The following FBXL17 variants were observed in gnomAD, a reference collection of about 807,000 sequenced individuals.
The protein encoded by FBXL17 is F-box/LRR-repeat protein 17.
In FBXL17, 22 loss-of-function variants were observed where a neutral mutation model predicts 66.2. The ratio of observed to expected loss-of-function variants is 0.33; its 90% CI spans 0.24 to 0.47. The LOEUF is 0.47. Among genes scored for constraint, FBXL17 ranks in the 20% least tolerant of loss-of-function variants. FBXL17 has a pLI of 1.00. For synonymous variants in FBXL17, 474 were observed against 400.5 expected (o/e 1.18, Z -2.19); for missense variants, 878 against 948.2 (o/e 0.93, Z 0.97).
chr5:108,260,157 C>T (rs909057269), intron 4 of FBXL17, among the ~76,000 whole-genome samples: 1 of 152,064 alleles, frequency 6.6e-6, no homozygotes, highest in Non-Finnish European at 1.5e-5. Flanking sequence ...AAGCATACAT[C>T]TTCACCACGG....
chr5:108,236,360 A>C (rs2150093212), intron 4 of FBXL17, among the ~76,000 whole-genome samples: 1 of 152,114 alleles, frequency 6.6e-6, no homozygotes, highest in South Asian at 2.1e-4. Context: ...AAAAGTACAA[A>C]AAATTAGCCG....
chr5:108,099,115 T>C (rs1444059341), intron 6 of FBXL17, among the ~76,000 whole-genome samples: 1 of 152,156 alleles, frequency 6.6e-6, no homozygotes. Context: ...AGAGTAAAGC[T>C]TTTCCAGTGG....
intron 7 of FBXL17, among the ~76,000 whole-genome samples, chr5:107,938,072 A>T (rs920657797): frequency 6.6e-6 from 1 of 152,164 alleles, no homozygotes; most frequent in Admixed American, 6.5e-5. Flanking sequence ...GAGCACAAAC[A>T]TCAGAATCCC....
chr5:107,953,895 T>C (rs1390686321), intron 7 of FBXL17, among the ~76,000 whole-genome samples: 1 of 152,244 alleles, frequency 6.6e-6, no homozygotes, highest in East Asian at 1.9e-4. Flanking sequence ...TCTAAAATCA[T>C]ACATCATTGA....
At chr5:108,063,913 C>G (rs1200197596) in intron 6 of FBXL17, among the ~76,000 whole-genome samples, 1 of 151,954 alleles carries the variant, frequency 6.6e-6, no homozygotes, top group African/African-American at 2.4e-5. Flanking sequence ...TTCTCAATTT[C>G]TTTTTCATAT....
At chr5:107,906,620 C>T (rs1310893014) in intron 7 of FBXL17, among the ~76,000 whole-genome samples, 1 of 152,136 alleles carries the variant, frequency 6.6e-6, no homozygotes, top group Admixed American at 6.6e-5. Flanking sequence ...TCTGACCATA[C>T]AGGATCCCAA....
In FBXL17 at chr5:108,381,874, G is replaced by A. The variant is rs912571540; in HGVS notation, c.-183C>T. On this transcript the variant is annotated 5_prime_UTR_variant, in exon 1 of 9. Coordinates refer to ENST00000542267, the MANE Select transcript of FBXL17 (RefSeq NM_001163315.3). Reference sequence around the variant, plus strand: ...GGGTGGGCGTCAGCTGCGGGCCGCCGGAGTGCCCGACGGGGGCTACATGCT... The same window carrying A: ...GGGTGGGCGTCAGCTGCGGGCCGCCAGAGTGCCCGACGGGGGCTACATGCT... The A allele has an allele frequency of 2.3e-6, 3 of 1,294,126 alleles. No individual in the cohort carries two copies. The highest frequency in any genetic ancestry group is 3.1e-5 in the African/African-American group (2 of 64,568). The allele number at this position is 1,294,126 out of a possible 1,614,324, so 80.2% of individuals were successfully genotyped here.
chr5:108,054,998 C>T (rs1047611484), intron 6 of FBXL17, among the ~76,000 whole-genome samples: 1 of 151,962 alleles, frequency 6.6e-6, no homozygotes, highest in Non-Finnish European at 1.5e-5. Context: ...CCTCAAAGTA[C>T]AAGTTTGTCA....
intron 6 of FBXL17, among the ~76,000 whole-genome samples, chr5:108,073,893 TCTA>T (rs1748440992): frequency 2.0e-5 from 3 of 152,288 alleles, no homozygotes; most frequent in African/African-American, 7.2e-5. Flanking sequence ...GTGCCATGCT[TCTA>T]CTGCCTGCAG....
intron 7 of FBXL17, among the ~76,000 whole-genome samples, chr5:107,935,974 A>T (rs542263358): frequency 1.2e-4 from 18 of 152,278 alleles, no homozygotes; most frequent in African/African-American, 3.8e-4. Flanking sequence ...AGTACACAGA[A>T]AAACTTAATT....
At chr5:108,295,641 A>G (rs1281949221) in intron 4 of FBXL17, among the ~76,000 whole-genome samples, 1 of 151,830 alleles carries the variant, frequency 6.6e-6, no homozygotes, top group Non-Finnish European at 1.5e-5. Flanking sequence ...ACAACTATCA[A>G]CACACACACA....
chr5:108,108,226 C>T (rs745505088), intron 6 of FBXL17, among the ~76,000 whole-genome samples: 5 of 152,194 alleles, frequency 3.3e-5, no homozygotes, highest in Non-Finnish European at 7.3e-5. Context: ...CTTTTCTTAC[C>T]AACTATGTGA....
At chr5:108,351,510 C>A (rs915963695) in intron 3 of FBXL17, among the ~76,000 whole-genome samples, 5 of 152,198 alleles carry the variant, frequency 3.3e-5, no homozygotes, top group African/African-American at 1.2e-4. Context: ...TGTGAATAAA[C>A]TGCATACAGG....
At chr5:108,022,790 T>C (rs1754650004) in intron 6 of FBXL17, among the ~76,000 whole-genome samples, 1 of 152,124 alleles carries the variant, frequency 6.6e-6, no homozygotes, top group Admixed American at 6.6e-5. Context: ...ACAAATTGAC[T>C]TCACTGTACA....
intron 6 of FBXL17, among the ~76,000 whole-genome samples, chr5:108,163,391 T>C (rs913433626): frequency 1.4e-4 from 12 of 88,716 alleles, no homozygotes; most frequent in African/African-American, 4.1e-4. Flanking sequence ...ATGAAAACTT[T>C]TTTTTTTCTT....
intron 4 of FBXL17, among the ~76,000 whole-genome samples, chr5:108,315,135 G>A (rs966836042): frequency 1.0e-4 from 15 of 150,498 alleles, no homozygotes; most frequent in South Asian, 2.1e-4. Flanking sequence ...CAAAACTCAG[G>A]AAAAAACATA....
chr5:107,933,661 T>C (rs1750803979), intron 7 of FBXL17, among the ~76,000 whole-genome samples: 1 of 152,170 alleles, frequency 6.6e-6, no homozygotes, highest in Non-Finnish European at 1.5e-5. Context: ...TTCCTTTCTT[T>C]TTACCAATTT....
At chr5:108,290,990 A>G (rs1758088457) in intron 4 of FBXL17, among the ~76,000 whole-genome samples, 1 of 152,232 alleles carries the variant, frequency 6.6e-6, no homozygotes, top group South Asian at 2.1e-4. Flanking sequence ...GAAACAAAGA[A>G]GTTCATACCA....
At chr5:108,187,438 C>G (rs1265611406) in intron 5 of FBXL17, among the ~76,000 whole-genome samples, 4 of 152,038 alleles carry the variant, frequency 2.6e-5, no homozygotes, top group Non-Finnish European at 5.9e-5. Context: ...GGAGATTATC[C>G]CAGGTTATCT....
Sources: gnomAD v4.1 joint callset for allele counts (sites outside exome capture counted in the v4.1 genomes callset) on GRCh38, gnomAD v4.1.1 for gene constraint, MANE v1.5 for transcripts, NCBI Gene and HGNC (gene_info 2026-07-23, HGNC 2026-07-21) for gene names.